Variants in MAP6 observed in about 807,000 individuals in gnomAD.
MAP6 encodes the protein microtubule-associated protein 6.
A neutral mutation model predicts 42.4 loss-of-function variants in MAP6; 26 were observed. That is an observed-to-expected ratio of 0.61 (90% CI 0.45 to 0.85). MAP6 has a LOEUF of 0.85. MAP6 is among the 40% of genes least tolerant of loss of function. MAP6 has a pLI of 0.00. For missense variants in MAP6, 966 were observed against 1,099.0 expected (o/e 0.88, Z 1.71); for synonymous variants, 418 against 443.8 (o/e 0.94, Z 0.73).
At chr11:75,630,141 C>T (rs528887906) in intron 1 of MAP6, among the ~76,000 whole-genome samples, 7 of 152,284 alleles carry the variant, frequency 4.6e-5, no homozygotes, top group African/African-American at 1.4e-4. Flanking sequence ...CCGAACTTTC[C>T]GACTCTACCC....
chr11:75,594,996 G>A (rs1045969992), intron 3 of MAP6, among the ~76,000 whole-genome samples: 7 of 152,192 alleles, frequency 4.6e-5, no homozygotes, highest in African/African-American at 1.7e-4. Flanking sequence ...TCACTTTGTT[G>A]GAGAAGTCTT....
chr11:75,627,020 T>C (rs1485618260), intron 1 of MAP6, among the ~76,000 whole-genome samples: 1 of 152,208 alleles, frequency 6.6e-6, no homozygotes, highest in African/African-American at 2.4e-5. Flanking sequence ...CATTACAAAT[T>C]GAAAACAGGC....
intron 1 of MAP6, among the ~76,000 whole-genome samples, chr11:75,652,170 G>A (rs1943657303): frequency 6.6e-6 from 1 of 152,008 alleles, no homozygotes. Context: ...TGTTATATAA[G>A]TACCTACTTA....
At chr11:75,634,322 G>A (rs561763127) in intron 1 of MAP6, among the ~76,000 whole-genome samples, 1 of 152,174 alleles carries the variant, frequency 6.6e-6, no homozygotes, top group Non-Finnish European at 1.5e-5. Context: ...TGTCACCCAG[G>A]CTGGAGTGCC....
At chr11:75,654,091 T>C (rs528795667) in intron 1 of MAP6, among the ~76,000 whole-genome samples, 1 of 152,350 alleles carries the variant, frequency 6.6e-6, no homozygotes, top group South Asian at 2.1e-4. Context: ...AATGGAATGT[T>C]AAGTCTTTCA....
intron 1 of MAP6, among the ~76,000 whole-genome samples, chr11:75,636,628 C>G (rs556065100): frequency 5.9e-5 from 9 of 152,282 alleles, no homozygotes; most frequent in African/African-American, 2.2e-4. Flanking sequence ...ATTCCCCAAC[C>G]ACCTCCTTTA....
chr11:75,648,260 A>G (rs1170996094), intron 1 of MAP6, among the ~76,000 whole-genome samples: 2 of 152,226 alleles, frequency 1.3e-5, no homozygotes, highest in Non-Finnish European at 2.9e-5. Context: ...TTGGGAGGCC[A>G]AGGCAGGTGG....
chr11:75,633,636 G>A (rs538943584), intron 1 of MAP6, among the ~76,000 whole-genome samples: 3 of 152,232 alleles, frequency 2.0e-5, no homozygotes, highest in African/African-American at 7.2e-5. Context: ...GTGTGTGTAT[G>A]TGTGCTTACC....
At chr11:75,620,511 A>T (rs1212218375) in intron 1 of MAP6, among the ~76,000 whole-genome samples, 8 of 151,846 alleles carry the variant, frequency 5.3e-5, no homozygotes, top group Admixed American at 5.2e-4. Context: ...AAGAAAGAAA[A>T]AAGAAAATAG....
Position 75,587,245 on chromosome 11 carries a change from T to C in MAP6, c.2256A>G (p.Ile752Met), listed in dbSNP as rs1407634041. The C allele has an allele frequency of 6.2e-7, 1 of 1,614,004 alleles. No individual in the cohort carries two copies. Among genetic ancestry groups the C allele is most frequent in the African/African-American group, 1.3e-5 (1 of 74,898 alleles). ...CTTGATCCTTCAGAGGCACTGGGAC[T>C]ATAGGAACTTGATTCTTCAGAGGTT... ...VPEPLKNQVP[I>M]VPVPLKDQDP... The change falls in exon 4 of 4, where the codon ATA becomes ATG. Residue 752 changes from isoleucine (I) to methionine (M), a missense_variant. Physicochemically the swap from Ile to Met is conservative, Grantham distance 10 (BLOSUM62 1). Around this residue, in one of 2 missense-constraint regions of MAP6, gnomAD observed 943 missense variants for 1,049.9 expected, o/e 0.90. Transcript: ENST00000304771.
At chr11:75,621,840 C>T (rs867575532) in intron 1 of MAP6, among the ~76,000 whole-genome samples, 1 of 152,084 alleles carries the variant, frequency 6.6e-6, no homozygotes, top group African/African-American at 2.4e-5. Context: ...CTGGCCAACA[C>T]GGGGAAACCT....
intron 3 of MAP6, among the ~76,000 whole-genome samples, chr11:75,598,433 A>G (rs564397214): frequency 6.6e-6 from 1 of 152,208 alleles, no homozygotes; most frequent in East Asian, 1.9e-4. Flanking sequence ...CCCTGTAACC[A>G]AGGGCCCATG....
At chr11:75,607,138 G>A (rs943366391) in intron 2 of MAP6, 1 of 779,720 alleles carries the variant, frequency 1.3e-6, no homozygotes, top group Non-Finnish European at 1.6e-6. Flanking sequence ...CTGGAACTGA[G>A]AGGTTTCCTG....
At position 75,648,137 on chromosome 11, in the gene MAP6, C is replaced by T. The variant is rs143628049; in HGVS notation, c.905+19328G>A. Among the ~76,000 whole-genome samples the T allele has an allele frequency of 5.7e-3, 867 of 152,268 alleles. 10 individuals carry two copies. The highest frequency in any genetic ancestry group is 0.02 in the African/African-American group (828 of 41,560). On this transcript the variant is annotated intron_variant, in intron 1 of 3. Transcript: ENST00000304771. ...ACACAGGAAATTGTACTCTATCTCA[C>T]ACTATACACAAAATTGAACTCCAGA...
chr11:75,629,638 T>C (rs1267834721), intron 1 of MAP6, among the ~76,000 whole-genome samples: 1 of 152,230 alleles, frequency 6.6e-6, no homozygotes, highest in Non-Finnish European at 1.5e-5. Flanking sequence ...AAAAAGTTTA[T>C]TCCACAGCTG....
At chr11:75,651,811 C>T (rs150365998) in intron 1 of MAP6, among the ~76,000 whole-genome samples, 2 of 152,336 alleles carry the variant, frequency 1.3e-5, no homozygotes, top group Non-Finnish European at 2.9e-5. Flanking sequence ...TATTCTTATG[C>T]ACTCTGTTCA....
In MAP6 at chr11:75,667,755, T is replaced by C; in HGVS notation, c.615A>G (p.Pro205=). ...CCCGGGCCTCAGCGGCGGCCTGCAC[T>C]GGCCAGCGCTCCTGGCTCTGCGGCC... ...KRRPQSQERW[P]VQAAAEAREQ... Residue 205 remains proline, a synonymous_variant, in exon 1 of 4, where the codon CCA becomes CCG. Coordinates refer to ENST00000304771, the MANE Select transcript of MAP6 (RefSeq NM_033063.2). This position sits in a 1 kb window ranked among gnomAD's most constrained non-coding sequence, Gnocchi z 5.6. The C allele has an allele frequency of 7.7e-7, 1 of 1,304,912 alleles. No individual in the cohort carries two copies. Among genetic ancestry groups the C allele is most frequent in the Non-Finnish European group, 9.7e-7 (1 of 1,028,070 alleles). 80.8% of individuals were successfully genotyped at this position (1,304,912 alleles called of 1,614,324 possible).
In MAP6 at chr11:75,619,662, C is replaced by T. The variant is rs188184659; in HGVS notation, c.906-11340G>A. 3.2e-3 allele frequency among the ~76,000 whole-genome samples: 488 copies of T among 152,316 alleles called. 2 individuals are homozygous for T. The highest frequency in any genetic ancestry group is 0.011 in the African/African-American group (474 of 41,556). On this transcript the variant is annotated intron_variant, in intron 1 of 3. Coordinates refer to ENST00000304771, the MANE Select transcript of MAP6 (RefSeq NM_033063.2). ...TAAGGATAATGGCCTCCAGCTCCAT[C>T]CATGTCCCTGCAAAGGACATAAAAA...
chr11:75,649,911 T>C (rs563760832), intron 1 of MAP6, among the ~76,000 whole-genome samples: 3 of 152,182 alleles, frequency 2.0e-5, no homozygotes, highest in African/African-American at 7.2e-5. Context: ...TTCTTAGTGA[T>C]GTATTTTTGT....
Sources: allele counts gnomAD v4.1 joint callset (sites outside exome capture counted in the v4.1 genomes callset), GRCh38; gene constraint gnomAD v4.1.1; regional missense constraint gnomAD v4.1.1; non-coding constraint Gnocchi (gnomAD v3.1); transcripts MANE v1.5; gene names NCBI Gene and HGNC (gene_info 2026-07-23, HGNC 2026-07-21).